Variants in FGF9 observed in about 807,000 individuals in gnomAD.
The protein encoded by FGF9 is fibroblast growth factor 9 (glia-activating factor).
In FGF9, 3 loss-of-function variants were observed where a neutral mutation model predicts 19.9. The ratio of observed to expected loss-of-function variants is 0.15; its 90% CI spans 0.07 to 0.39. The LOEUF (loss-of-function observed/expected upper bound fraction) is 0.39, where lower values mean the gene tolerates loss of function less well. Ranked by LOEUF, FGF9 falls within the 10% of genes least tolerant of loss-of-function variation. The pLI is 1.00. For synonymous variants in FGF9, 107 were observed against 106.9 expected (o/e 1.00, Z -0.01); for missense variants, 175 against 256.8 (o/e 0.68, Z 2.18).
Position 21,691,703 on chromosome 13 carries a change from G to A in FGF9, c.382-9487G>A, listed in dbSNP as rs17070450. 5.1e-3 allele frequency among the ~76,000 whole-genome samples: 777 copies of A among 152,296 alleles called. 3 individuals are homozygous for A. The highest frequency in any genetic ancestry group is 8.3e-3 in the Non-Finnish European group (566 of 68,028). Reference sequence around the variant, plus strand: ...CTGTCCTGGGCCAGCTTTGGCAGTGGCCTGGTCGCCTCACCCCTCCCGACT... The same window carrying A: ...CTGTCCTGGGCCAGCTTTGGCAGTGACCTGGTCGCCTCACCCCTCCCGACT... On this transcript the variant is annotated intron_variant, in intron 2 of 2. Coordinates refer to ENST00000382353, the MANE Select transcript of FGF9 (RefSeq NM_002010.3). The surrounding 1 kb of genome is among the most constrained non-coding windows in gnomAD (Gnocchi z 4.2).
Position 21,671,380 on chromosome 13 carries a change from T to C in FGF9, c.-533T>C, listed in dbSNP as rs1198436501. ...GTCGCCGCCACCAACGTGAGATTTTTTTTTCCCCTTGAAGGATTCATGCTG... is the reference window on the plus strand; with the variant it reads ...GTCGCCGCCACCAACGTGAGATTTTCTTTTCCCCTTGAAGGATTCATGCTG... On this transcript the variant is annotated 5_prime_UTR_variant, in exon 1 of 3. Transcript: ENST00000382353. 1 of 396,538 alleles carries C rather than the reference T, an allele frequency of 2.5e-6. No homozygotes were observed. Among genetic ancestry groups the C allele is most frequent in the Non-Finnish European group, 4.4e-6 (1 of 225,372 alleles). 24.6% of individuals were successfully genotyped at this position (396,538 alleles called of 1,614,324 possible). A position where few individuals can be genotyped will look rare whatever the true frequency, so the allele number is the denominator to read the frequency against.
chr13:21,687,420 T>C (rs1872186818), intron 2 of FGF9, among the ~76,000 whole-genome samples: 2 of 152,278 alleles, frequency 1.3e-5, no homozygotes, highest in Non-Finnish European at 2.9e-5. Context: ...ATAAATTCCT[T>C]ATACTTCTTT....
chr13:21,684,080 C>T (rs1345699802), intron 2 of FGF9, among the ~76,000 whole-genome samples: 1 of 152,224 alleles, frequency 6.6e-6, no homozygotes, highest in Non-Finnish European at 1.5e-5. Flanking sequence ...TCTCAGATGC[C>T]TTTCTCTTGC....
In FGF9 at chr13:21,671,812, A is replaced by G; in HGVS notation, c.-101A>G. The G allele has an allele frequency of 3.1e-6, 4 of 1,270,074 alleles. No homozygotes were observed. Among genetic ancestry groups the G allele is most frequent in the East Asian group, 2.3e-5 (1 of 43,078 alleles). 78.7% of individuals were successfully genotyped at this position (1,270,074 alleles called of 1,614,324 possible). On this transcript the variant is annotated 5_prime_UTR_variant, in exon 1 of 3. Transcript: ENST00000382353. Reference sequence around the variant, plus strand: ...CCTTTTTTTTCTCTCTCTCTCTGCAACTGCAGTAAGGGAGGGGAGTTGGAT... The same window carrying G: ...CCTTTTTTTTCTCTCTCTCTCTGCAGCTGCAGTAAGGGAGGGGAGTTGGAT...
chr13:21,672,226 G>C lies in FGF9; in HGVS notation c.277+37G>C. ...ATTAACCCTTTAGTGTCCATGAGAT[G>C]ACATGTTGAAATTATAACTACCAAG... is the stretch of plus-strand genomic sequence containing the variant. On this transcript the variant is annotated intron_variant, in intron 1 of 2. Transcript: ENST00000382353. This position sits in a 1 kb window ranked among gnomAD's most constrained non-coding sequence, Gnocchi z 4.2. The C allele has an allele frequency of 6.2e-7, 1 of 1,612,856 alleles. No individual in the cohort carries two copies. The highest frequency in any genetic ancestry group is 1.7e-4 in the Middle Eastern group (1 of 6,050).
intron 2 of FGF9, among the ~76,000 whole-genome samples, chr13:21,697,829 C>T (rs550616794): frequency 1.7e-4 from 24 of 143,358 alleles, no homozygotes; most frequent in Non-Finnish European, 3.0e-4. Flanking sequence ...TTTTTTGAGA[C>T]GGAGTCTCTC....
chr13:21,697,908 C>T (rs1388969362), intron 2 of FGF9, among the ~76,000 whole-genome samples: 1 of 151,560 alleles, frequency 6.6e-6, no homozygotes. Flanking sequence ...CCCGGGTTCA[C>T]GCCATTCTCC....
At chr13:21,675,923 C>G (rs555968595) in intron 1 of FGF9, among the ~76,000 whole-genome samples, 2 of 143,874 alleles carry the variant, frequency 1.4e-5, no homozygotes, top group Non-Finnish European at 3.0e-5. Flanking sequence ...CTTGAAGGAG[C>G]CTTTTTTTTT....
At position 21,702,865 on chromosome 13, in the gene FGF9, C is replaced by T. The variant is rs551156731; in HGVS notation, c.*1430C>T. ...TGACAATGAGGGGGAAAGTATTATA[C>T]TTGTTGACTGTGTTTTGTTTTTTAA... On this transcript the variant is annotated 3_prime_UTR_variant, in exon 3 of 3. Coordinates refer to ENST00000382353, the MANE Select transcript of FGF9 (RefSeq NM_002010.3). 2.6e-5 allele frequency: 4 copies of T among 152,272 alleles called. No homozygotes were observed. The South Asian group carries it at 8.3e-4, about 32-fold the overall frequency. 9.4% of individuals were successfully genotyped at this position (152,272 alleles called of 1,614,324 possible).
At chr13:21,688,683 T>C (rs1349252815) in intron 2 of FGF9, among the ~76,000 whole-genome samples, 1 of 152,208 alleles carries the variant, frequency 6.6e-6, no homozygotes, top group Non-Finnish European at 1.5e-5. Context: ...ACATGAATAT[T>C]TTTAACTGGA....
At chr13:21,676,593 G>A (rs146127051) in intron 1 of FGF9, among the ~76,000 whole-genome samples, 80 of 152,346 alleles carry the variant, frequency 5.3e-4, no homozygotes, top group Admixed American at 1.4e-3. Flanking sequence ...TGCAGGATCT[G>A]AGATGGTTGA....
At chr13:21,689,167 C>T (rs1872230362) in intron 2 of FGF9, among the ~76,000 whole-genome samples, 1 of 152,202 alleles carries the variant, frequency 6.6e-6, no homozygotes, top group African/African-American at 2.4e-5. Context: ...CTGGATTTTA[C>T]TCTCTTCCCT....
chr13:21,685,428 A>G (rs1353436471), intron 2 of FGF9, among the ~76,000 whole-genome samples: 1 of 152,206 alleles, frequency 6.6e-6, no homozygotes, highest in Non-Finnish European at 1.5e-5. Flanking sequence ...ATGGGTTAAT[A>G]CTTCTTCAGA....
chr13:21,695,244 G>A (rs1206787898), intron 2 of FGF9, among the ~76,000 whole-genome samples: 1 of 152,056 alleles, frequency 6.6e-6, no homozygotes, highest in East Asian at 1.9e-4. Flanking sequence ...GGAGTGGAGA[G>A]AATTTAGGAA....
At chr13:21,700,881 C>T (rs1229743727) in intron 2 of FGF9, among the ~76,000 whole-genome samples, 2 of 152,124 alleles carry the variant, frequency 1.3e-5, no homozygotes, top group African/African-American at 4.8e-5. Context: ...GCAGTTTTTG[C>T]AAAATGCATT....
In FGF9 at chr13:21,671,834, G is replaced by A; in HGVS notation, c.-79G>A. The A allele has an allele frequency of 6.5e-7, 1 of 1,528,810 alleles. No individual in the cohort carries two copies. Among genetic ancestry groups the A allele is most frequent in the Non-Finnish European group, 9.1e-7 (1 of 1,102,562 alleles). 94.7% of individuals were successfully genotyped at this position (1,528,810 alleles called of 1,614,324 possible). A position where few individuals can be genotyped will look rare whatever the true frequency, so the allele number is the denominator to read the frequency against. On this transcript the variant is annotated 5_prime_UTR_variant, in exon 1 of 3. Coordinates refer to ENST00000382353, the MANE Select transcript of FGF9 (RefSeq NM_002010.3). Reference sequence around the variant, plus strand: ...GCAACTGCAGTAAGGGAGGGGAGTTGGATATACCTCGCCTAATATCTCCTG... The same window carrying A: ...GCAACTGCAGTAAGGGAGGGGAGTTAGATATACCTCGCCTAATATCTCCTG...
At chr13:21,694,431 A>G (rs986142954) in intron 2 of FGF9, among the ~76,000 whole-genome samples, 1 of 152,046 alleles carries the variant, frequency 6.6e-6, no homozygotes, top group Non-Finnish European at 1.5e-5. Context: ...GATGTAGTCA[A>G]TTGTCTTTGT....
chr13:21,683,991 G>A (rs1872100921), intron 2 of FGF9, among the ~76,000 whole-genome samples: 1 of 152,218 alleles, frequency 6.6e-6, no homozygotes, highest in African/African-American at 2.4e-5. Flanking sequence ...CTTTGCCTAT[G>A]CAACTCGAGT....
intron 1 of FGF9, among the ~76,000 whole-genome samples, chr13:21,676,779 T>C (rs1320283256): frequency 6.6e-6 from 1 of 152,204 alleles, no homozygotes; most frequent in Admixed American, 6.5e-5. Flanking sequence ...CAGAGAACCA[T>C]GTCATGAGGG....
Sources: gnomAD v4.1 joint callset for allele counts (sites outside exome capture counted in the v4.1 genomes callset) on GRCh38, gnomAD v4.1.1 for gene constraint, Gnocchi (gnomAD v3.1) non-coding constraint, MANE v1.5 for transcripts, NCBI Gene and HGNC (gene_info 2026-07-23, HGNC 2026-07-21) for gene names.